The following GRIP1 variants were observed in gnomAD, a reference collection of about 807,000 sequenced individuals.
GRIP1 encodes the protein glutamate receptor-interacting protein 1.
In GRIP1, 45 loss-of-function variants were observed where a neutral mutation model predicts 129.9. The observed-to-expected ratio is 0.35, with a 90% CI of 0.27 to 0.44. The LOEUF (loss-of-function observed/expected upper bound fraction) is 0.44. GRIP1 is among the 20% of genes least tolerant of loss of function. The pLI, the probability that GRIP1 is intolerant of heterozygous loss-of-function variation, is 1.00. For synonymous variants in GRIP1, 530 were observed against 520.8 expected (o/e 1.02, Z -0.24); for missense variants, 1,196 against 1,396.8 (o/e 0.86, Z 2.29).
intron 6 of GRIP1, among the ~76,000 whole-genome samples, chr12:66,516,714 A>T (rs117981873): frequency 8.5e-5 from 13 of 152,316 alleles, no homozygotes; most frequent in Non-Finnish European, 1.8e-4. Flanking sequence ...GATTCACTAG[A>T]CACATGAGAA....
At chr12:67,026,712 G>A (rs1393395279) in intron 1 of GRIP1, among the ~76,000 whole-genome samples, 1 of 152,090 alleles carries the variant, frequency 6.6e-6, no homozygotes, top group East Asian at 1.9e-4. Context: ...ATATTTCTAA[G>A]ATGATCTCAT....
intron 1 of GRIP1, among the ~76,000 whole-genome samples, chr12:67,057,565 C>G (rs943757597): frequency 1.3e-5 from 2 of 151,856 alleles, no homozygotes; most frequent in African/African-American, 4.8e-5. Flanking sequence ...GGGTAAGGGT[C>G]TGAGTAAATG....
At chr12:67,012,345 G>T (rs1403096421) in intron 1 of GRIP1, among the ~76,000 whole-genome samples, 1 of 152,096 alleles carries the variant, frequency 6.6e-6, no homozygotes, top group East Asian at 1.9e-4. Flanking sequence ...CCAAAAATAT[G>T]CACAGACTGC....
At chr12:66,730,693 G>T (rs1354891416) in intron 1 of GRIP1, among the ~76,000 whole-genome samples, 1 of 100,734 alleles carries the variant, frequency 9.9e-6, no homozygotes, top group African/African-American at 3.7e-5. Flanking sequence ...TACCAAGAGG[G>T]TCATCTACAA....
chr12:67,044,060 T>C (rs796825366), intron 1 of GRIP1, among the ~76,000 whole-genome samples: 4 of 152,266 alleles, frequency 2.6e-5, no homozygotes, highest in South Asian at 2.1e-4. Context: ...AATCTTAAGA[T>C]AGGTGCCTAT....
chr12:66,737,781 C>T (rs960545941), intron 1 of GRIP1, among the ~76,000 whole-genome samples: 2 of 152,080 alleles, frequency 1.3e-5, no homozygotes, highest in Non-Finnish European at 2.9e-5. Context: ...CCACCAGGTG[C>T]CAGGTGTTAT....
intron 1 of GRIP1, among the ~76,000 whole-genome samples, chr12:66,989,586 A>G (rs1180450463): frequency 6.6e-6 from 1 of 152,222 alleles, no homozygotes; most frequent in Non-Finnish European, 1.5e-5. Flanking sequence ...TAGGTTATTA[A>G]TCATCATTAA....
rs1485992759 is a variant in GRIP1, at chr12:66,463,025, A to G, written c.941T>C (p.Leu314Pro). The G allele has an allele frequency of 3.7e-6, 6 of 1,613,798 alleles. No individual in the cohort carries two copies. The highest frequency in any genetic ancestry group is 3.4e-6 in the Non-Finnish European group (4 of 1,179,892). Residue 314 changes from leucine (L) to proline (P), a missense_variant, in exon 9 of 25, where the codon CTT (leucine) becomes CCT (proline). By Grantham distance (98) the Leu-to-Pro change is moderately conservative. This residue lies in a region of GRIP1 where 508 missense variants were observed against 587.0 expected (regional missense o/e 0.87). Coordinates refer to ENST00000359742, the MANE Select transcript of GRIP1 (RefSeq NM_001366722.1). ...GGCCAGGAACTGGGTTGCTTCTGCA[A>G]GTGTACAGTACTCCATGCTGGTTCC... ...IDGTSMEYCT[L>P]AEATQFLANT...
chr12:66,527,432 A>G (rs2061287347), intron 5 of GRIP1, among the ~76,000 whole-genome samples: 1 of 152,110 alleles, frequency 6.6e-6, no homozygotes, highest in African/African-American at 2.4e-5. Flanking sequence ...AAGGACAAAA[A>G]ACCAAACACT....
intron 1 of GRIP1, among the ~76,000 whole-genome samples, chr12:66,943,465 T>C (rs1027219725): frequency 3.3e-5 from 5 of 152,246 alleles, no homozygotes; most frequent in Non-Finnish European, 5.9e-5. Context: ...TCTATTTAAA[T>C]GGATATAGGC....
At chr12:66,400,982 G>A (rs937323525) in intron 16 of GRIP1, among the ~76,000 whole-genome samples, 1 of 152,130 alleles carries the variant, frequency 6.6e-6, no homozygotes, top group African/African-American at 2.4e-5. Flanking sequence ...ATTGGGGATT[G>A]GGTAGCAGCC....
chr12:66,578,232 G>GTTTTTT (rs547352236), intron 2 of GRIP1, among the ~76,000 whole-genome samples: 42,295 of 101,544 alleles, frequency 0.42, 9,663 homozygotes, highest in East Asian at 0.46. Flanking sequence ...CAAAACCGCG[G>GTTTTTT]TTTTTTTTTT....
At chr12:66,821,163 T>C (rs957235409) in intron 1 of GRIP1, among the ~76,000 whole-genome samples, 1 of 152,196 alleles carries the variant, frequency 6.6e-6, no homozygotes, top group African/African-American at 2.4e-5. Flanking sequence ...GAACCAAAGC[T>C]ACTCCAAAAT....
At chr12:66,618,956 G>A (rs1188336352) in intron 1 of GRIP1, among the ~76,000 whole-genome samples, 7 of 152,170 alleles carry the variant, frequency 4.6e-5, no homozygotes, top group Middle Eastern at 3.4e-3. Flanking sequence ...ATTCGAACTC[G>A]TATTATTCTG....
chr12:66,641,176 G>A (rs2031891152), intron 1 of GRIP1, among the ~76,000 whole-genome samples: 1 of 152,222 alleles, frequency 6.6e-6, no homozygotes, highest in Admixed American at 6.5e-5. Context: ...GCCAGGCTCT[G>A]AGGAAATGGT....
At chr12:67,066,888 T>TTATATATATATATATATA (rs1555170033) in intron 1 of GRIP1, among the ~76,000 whole-genome samples, 174 of 125,592 alleles carry the variant, frequency 1.4e-3, no homozygotes, top group East Asian at 3.8e-3. Context: ...AAATATATAT[T>TTATATATATATATATATA]TATATATATA....
At chr12:67,045,337 T>G (rs2043237921) in intron 1 of GRIP1, among the ~76,000 whole-genome samples, 1 of 152,154 alleles carries the variant, frequency 6.6e-6, no homozygotes, top group Non-Finnish European at 1.5e-5. Context: ...GAACTTTTGC[T>G]GAGTTTTAAG....
intron 4 of GRIP1, among the ~76,000 whole-genome samples, chr12:66,534,698 C>T (rs917107819): frequency 1.1e-4 from 16 of 151,582 alleles, no homozygotes; most frequent in Admixed American, 6.6e-5. Flanking sequence ...TTCCTTCTCT[C>T]TCTCTCTCTT....
At chr12:66,979,556 C>G (rs2202341) in intron 1 of GRIP1, among the ~76,000 whole-genome samples, 9,575 of 152,062 alleles carry the variant, frequency 0.063, 527 homozygotes, top group East Asian at 0.14. Flanking sequence ...GCCATGAACC[C>G]ACATTGAACA....
Sources: gnomAD v4.1 joint callset for allele counts (sites outside exome capture counted in the v4.1 genomes callset) on GRCh38, gnomAD v4.1.1 for gene constraint, gnomAD v4.1.1 regional missense constraint, MANE v1.5 for transcripts, NCBI Gene and HGNC (gene_info 2026-07-23, HGNC 2026-07-21) for gene names.